The following TMEM220 variants were observed in gnomAD, a reference collection of about 807,000 sequenced individuals.
TMEM220 encodes transmembrane protein 220.
TMEM220 carries 21 observed loss-of-function variants against 21.7 expected under a neutral mutation model. The ratio of observed to expected loss-of-function variants is 0.97; its 90% CI spans 0.69 to 1.39. TMEM220 has a LOEUF of 1.39. TMEM220 is among the 40% of genes most tolerant of loss of function. The pLI is 0.00. For synonymous variants in TMEM220, 80 were observed against 73.6 expected, an observed-to-expected ratio of 1.09 and a Z score of -0.45; for missense variants, 191 against 201.9, an observed-to-expected ratio of 0.95 and a Z score of 0.33.
chr17:10,723,963 T>C (rs1010550154), intron 4 of TMEM220, among the ~76,000 whole-genome samples: 1 of 152,228 alleles, frequency 6.6e-6, no homozygotes. Context: ...CTATAACCCA[T>C]GGGCTTCATG....
At chr17:10,721,018 A>T (rs570885489) in intron 5 of TMEM220, among the ~76,000 whole-genome samples, 2 of 152,360 alleles carry the variant, frequency 1.3e-5, no homozygotes, top group East Asian at 3.9e-4. Context: ...TCTTAACTTT[A>T]AATGTATATG....
chr17:10,724,660 T>A (rs545356870), intron 4 of TMEM220, among the ~76,000 whole-genome samples: 1 of 152,118 alleles, frequency 6.6e-6, no homozygotes, highest in Admixed American at 6.5e-5. Context: ...CAGAACTGAA[T>A]TTGAGGCTGA....
At chr17:10,721,599 T>C (rs1313679449) in intron 5 of TMEM220, among the ~76,000 whole-genome samples, 40 of 101,502 alleles carry the variant, frequency 3.9e-4, no homozygotes, top group Middle Eastern at 7.8e-3. Context: ...AGCAAGACTC[T>C]GTCTCAAAAA....
At chr17:10,727,755 C>G (rs1438259135) in intron 2 of TMEM220, among the ~76,000 whole-genome samples, 1 of 152,136 alleles carries the variant, frequency 6.6e-6, no homozygotes, top group East Asian at 1.9e-4. Flanking sequence ...ATCCTTGTTG[C>G]TCCTCTGTCA....
At chr17:10,718,665 T>G (rs2074952878) in intron 5 of TMEM220, among the ~76,000 whole-genome samples, 1 of 152,226 alleles carries the variant, frequency 6.6e-6, no homozygotes, top group Non-Finnish European at 1.5e-5. Flanking sequence ...TATTTTCTAA[T>G]TTCCATTGTG....
intron 1 of TMEM220, 63 bp from the exon 2 acceptor site, chr17:10,729,123 C>A: frequency 1.9e-6 from 3 of 1,576,666 alleles, no homozygotes; most frequent in South Asian, 2.2e-5. Flanking sequence ...CTTTTAAATT[C>A]ATTTAAGCAC....
At chr17:10,728,238 C>A (rs1621206) in intron 2 of TMEM220, among the ~76,000 whole-genome samples, 74,395 of 149,500 alleles carry the variant, frequency 0.5, 19,267 homozygotes, top group African/African-American at 0.65. Flanking sequence ...AAATCAGAGC[C>A]TTGCTTATAT....
intron 5 of TMEM220, 21 bp from the exon 6 acceptor site, chr17:10,715,609 TTATAAA>T (rs2074907059): frequency 6.5e-7 from 1 of 1,541,760 alleles, no homozygotes. Context: ...ACAAAAATTA[TTATAAA>T]TAAAAATCAT....
chr17:10,722,824 C>G (rs1469106784), intron 5 of TMEM220, among the ~76,000 whole-genome samples: 1 of 152,108 alleles, frequency 6.6e-6, no homozygotes, highest in Non-Finnish European at 1.5e-5. Context: ...TTGTAGAAAA[C>G]TACGGTTTTT....
rs2074877965 is a variant in TMEM220 at position 10,714,066 on chromosome 17, G to A, written c.*1387C>T. 6.6e-6 allele frequency: 1 copy of A among 152,094 alleles called. No homozygotes were observed. The highest frequency in any genetic ancestry group is 1.5e-5 in the Non-Finnish European group (1 of 68,012). 9.4% of individuals were successfully genotyped at this position (152,094 alleles called of 1,614,324 possible). A position where few individuals can be genotyped will look rare whatever the true frequency, so the allele number is the denominator to read the frequency against. On this transcript the variant is annotated 3_prime_UTR_variant, in exon 6 of 6. Coordinates refer to ENST00000341871, the MANE Select transcript of TMEM220 (RefSeq NM_001004313.3). The stretch of plus-strand genomic sequence containing the variant: ...CCAACAGAAATGCAATGTAAGCCAC[G>A]TAAATAAAAGTAAACAGAAACAGAT...
Position 10,724,856 on chromosome 17 carries a change from T to A in TMEM220, c.287+155A>T, listed in dbSNP as rs149348420. Among the ~76,000 whole-genome samples, 145 of 152,298 alleles carry A rather than the reference T, an allele frequency of 9.5e-4. 1 individual carries two copies. In the East Asian group the frequency reaches 0.022, roughly 23 times the overall value. ...ATCCTGGCTCCATTATTTCCTCAGT[T>A]TCATCAGGTTATAAAGAAGATAATA... On this transcript the variant is annotated intron_variant, in intron 4 of 5. Coordinates refer to ENST00000341871, the MANE Select transcript of TMEM220 (RefSeq NM_001004313.3).
chr17:10,715,514 T>C lies in TMEM220; in HGVS notation c.422A>G (p.Tyr141Cys), dbSNP rs778716905. 1.2e-5 allele frequency: 20 copies of C among 1,606,888 alleles called. No homozygotes were observed. Among genetic ancestry groups the C allele is most frequent in the Non-Finnish European group, 1.6e-5 (19 of 1,178,428 alleles). Residue 141 changes from tyrosine to cysteine, a missense_variant, in exon 6 of 6, where the codon TAC becomes TGC. Coordinates refer to ENST00000341871, the MANE Select transcript of TMEM220 (RefSeq NM_001004313.3). ...ITLFPFISWV[Y>C]IYINKEMRSS... Reference sequence around the variant, plus strand: ...CCGCATTTCCTTGTTAATATATATGTAGACCCATGAGATAAATGGGAAAAG... The same window carrying C: ...CCGCATTTCCTTGTTAATATATATGCAGACCCATGAGATAAATGGGAAAAG...
At position 10,723,330 on chromosome 17, in the gene TMEM220, C is replaced by A; in HGVS notation, c.288-1G>T. ...AATAATCACCAGACCAGACAGCTCC[C>A]TATAAAAGGGTGTACATTTCAGATT... On this transcript the variant is annotated splice_acceptor_variant, in intron 4 of 5. Coordinates refer to ENST00000341871, the MANE Select transcript of TMEM220 (RefSeq NM_001004313.3). LOFTEE classifies it high-confidence loss of function. 1 of 1,613,898 alleles carries A rather than the reference C, an allele frequency of 6.2e-7. No individual in the cohort carries two copies.
chr17:10,716,998 C>T (rs2074930074), intron 5 of TMEM220, among the ~76,000 whole-genome samples: 1 of 152,146 alleles, frequency 6.6e-6, no homozygotes, highest in Non-Finnish European at 1.5e-5. Context: ...TCTGTTACTT[C>T]CTGACAGAAA....
intron 5 of TMEM220, chr17:10,716,204 T>G: frequency 1.1e-6 from 1 of 881,994 alleles, no homozygotes; most frequent in South Asian, 1.3e-5. Flanking sequence ...AGGGAACCAA[T>G]TTTTGATGTT....
At position 10,721,560 on chromosome 17, in the gene TMEM220, G is replaced by A. The variant is rs538951173; in HGVS notation, c.347+1710C>T. ...GCAGAGGTTGTAGTAAGCCAAGATC[G>A]CGCCACTGCACACCAGCCTGAGCAA... On this transcript the variant is annotated intron_variant, in intron 5 of 5. Coordinates refer to ENST00000341871, the MANE Select transcript of TMEM220 (RefSeq NM_001004313.3). Among the ~76,000 whole-genome samples the A allele has an allele frequency of 2.9e-4, 37 of 127,790 alleles. 1 individual carries two copies. In the South Asian group the frequency reaches 8.9e-3, roughly 31 times the overall value. 83.8% of individuals were successfully genotyped at this position (127,790 alleles called of 152,430 possible).
At chr17:10,716,132 C>T in intron 5 of TMEM220, 1 of 867,220 alleles carries the variant, frequency 1.2e-6, no homozygotes, top group South Asian at 1.3e-5. Context: ...ACTTCAGGGT[C>T]CTGGACAGGA....
At position 10,725,004 on chromosome 17, in the gene TMEM220, C is replaced by T. The variant is rs200538295; in HGVS notation, c.287+7G>A. 2.2e-5 allele frequency: 35 copies of T among 1,614,108 alleles called. No individual in the cohort carries two copies. The East Asian group carries it at 2.7e-4, about 12-fold the overall frequency. ...TATCCCTCCACAGGGTAACCGTCAC[C>T]GCTCACCTGCCTTCTTCCTCATGTA... On this transcript the variant is annotated splice_region_variant and intron_variant, in intron 4 of 5. Coordinates refer to ENST00000341871, the MANE Select transcript of TMEM220 (RefSeq NM_001004313.3).
In TMEM220 at chr17:10,714,980, A is replaced by C. The variant is rs1780924771; in HGVS notation, c.*473T>G. The C allele has an allele frequency of 6.5e-6, 1 of 154,306 alleles. No individual in the cohort carries two copies. Among genetic ancestry groups the C allele is most frequent in the African/African-American group, 2.4e-5 (1 of 41,346 alleles). The allele number at this position is 154,306 out of a possible 1,614,324, so 9.6% of individuals were successfully genotyped here. ...GAATGTCTATTTCAGTATATTACCCAATCCCTGCTCCCCTCTATTTTAATC... is the reference window on the plus strand; with the variant it reads ...GAATGTCTATTTCAGTATATTACCCCATCCCTGCTCCCCTCTATTTTAATC... On this transcript the variant is annotated 3_prime_UTR_variant, in exon 6 of 6. Coordinates refer to ENST00000341871, the MANE Select transcript of TMEM220 (RefSeq NM_001004313.3).
Sources: gnomAD v4.1 joint callset for allele counts (sites outside exome capture counted in the v4.1 genomes callset) on GRCh38, gnomAD v4.1.1 for gene constraint, MANE v1.5 for transcripts, NCBI Gene and HGNC (gene_info 2026-07-23, HGNC 2026-07-21) for gene names.